Variants in BRPF3 observed in about 807,000 individuals in gnomAD.
The protein encoded by BRPF3 is bromodomain and PHD finger containing 3.
A neutral mutation model predicts 102.0 loss-of-function variants in BRPF3; 18 were observed. The observed-to-expected ratio is 0.18, with a 90% CI of 0.12 to 0.26. The LOEUF (loss-of-function observed/expected upper bound fraction) is 0.26, where lower values mean the gene tolerates loss of function less well. BRPF3 is among the 10% of genes least tolerant of loss of function. The pLI is 1.00. For missense variants in BRPF3, 1,147 were observed against 1,567.8 expected (o/e 0.73, Z 4.53); for synonymous variants, 570 against 614.2 (o/e 0.93, Z 1.06).
intron 2 of BRPF3, 78 bp from the exon 3 acceptor site, chr6:36,204,580 G>A: frequency 6.5e-7 from 1 of 1,533,654 alleles, no homozygotes; most frequent in East Asian, 2.2e-5. Flanking sequence ...AAATGAACCA[G>A]GTCTGGATAG....
Position 36,204,793 on chromosome 6 carries a change from G to C in BRPF3, c.1584G>C (p.Gln528His), listed in dbSNP as rs541317631. ...PLIRRLHSHL[Q>H]SQRNAEQREQ... ...TCCGGCGCTTGCACTCCCATCTGCA[G>C]TCCCAAAGAAACGCTGAGCAGGTAG... The change falls in exon 3 of 13, where the codon CAG becomes CAC. Residue 528 changes from glutamine to histidine, a missense_variant. Physicochemically the swap from Gln to His is conservative, Grantham distance 24. Coordinates refer to ENST00000357641, the MANE Select transcript of BRPF3 (RefSeq NM_015695.3). 1 of 1,614,186 alleles carries C rather than the reference G, an allele frequency of 6.2e-7. No homozygotes were observed. Among genetic ancestry groups the C allele is most frequent in the Non-Finnish European group, 8.5e-7 (1 of 1,180,000 alleles).
chr6:36,210,102 G>A lies in BRPF3; in HGVS notation c.1867-114G>A. 1 of 1,449,166 alleles carries A rather than the reference G, an allele frequency of 6.9e-7. No individual in the cohort carries two copies. Among genetic ancestry groups the A allele is most frequent in the Non-Finnish European group, 9.6e-7 (1 of 1,045,066 alleles). The allele number at this position is 1,449,166 out of a possible 1,614,324, so 89.8% of individuals were successfully genotyped here. A position where few individuals can be genotyped will look rare whatever the true frequency, so the allele number is the denominator to read the frequency against. On this transcript the variant is annotated intron_variant, in intron 5 of 12. Coordinates refer to ENST00000357641, the MANE Select transcript of BRPF3 (RefSeq NM_015695.3). The surrounding 1 kb of genome is among the most constrained non-coding windows in gnomAD (Gnocchi z 4.7). ...GGGTGGGCCAGGACTGTAGGTCTTT[G>A]AGTTAGCCTGGCATGGCCAAATCAG... is the stretch of plus-strand genomic sequence containing the variant.
intron 8 of BRPF3, among the ~76,000 whole-genome samples, chr6:36,217,596 G>T (rs976906943): frequency 3.3e-5 from 5 of 152,198 alleles, no homozygotes; most frequent in African/African-American, 1.2e-4. Context: ...GCCAGCCAGG[G>T]TAGGAGAAGT....
At chr6:36,212,594 A>AAG (rs1768164893) in intron 7 of BRPF3, among the ~76,000 whole-genome samples, 1 of 146,568 alleles carries the variant, frequency 6.8e-6, no homozygotes. Context: ...AAAAAAAAAA[A>AAG]GGTGTAGCCT....
chr6:36,225,775 A>C (rs1768720244), intron 11 of BRPF3, among the ~76,000 whole-genome samples: 2 of 152,236 alleles, frequency 1.3e-5, no homozygotes, highest in African/African-American at 4.8e-5. Flanking sequence ...TCATTCAGCT[A>C]ATAAATGACA....
In BRPF3 at chr6:36,232,644, A is replaced by G. The variant is rs1037939056; in HGVS notation, c.*2035A>G. 9.8e-5 allele frequency: 15 copies of G among 152,674 alleles called. No homozygotes were observed. Among genetic ancestry groups the G allele is most frequent in the African/African-American group, 3.6e-4 (15 of 41,468 alleles). 9.5% of individuals were successfully genotyped at this position (152,674 alleles called of 1,614,324 possible). ...GAGAGTGACTTTATTTGCTTTCTAG[A>G]ATTGTTTATAACAGATGGTATAAGA... On this transcript the variant is annotated 3_prime_UTR_variant, in exon 13 of 13. Transcript: ENST00000357641.
chr6:36,218,048 C>A, intron 9 of BRPF3, 38 bp downstream of exon 9: 1 of 1,553,848 alleles, frequency 6.4e-7, no homozygotes, highest in Non-Finnish European at 8.8e-7. Context: ...AGCAGCTCTG[C>A]TACCCCTCCT....
At chr6:36,207,239 C>T in intron 3 of BRPF3, 74 bp from the exon 4 acceptor site, 1 of 1,563,980 alleles carries the variant, frequency 6.4e-7, no homozygotes, top group Non-Finnish European at 8.7e-7. Context: ...CTGCTGCAGC[C>T]CCGTGAGGCT....
rs879588353 is a variant in BRPF3, at chr6:36,200,030, G to A, written c.-26-267G>A. Among the ~76,000 whole-genome samples, 2 of 152,226 alleles carry A rather than the reference G, an allele frequency of 1.3e-5. No homozygotes were observed. Among genetic ancestry groups the A allele is most frequent in the Non-Finnish European group, 2.9e-5 (2 of 68,032 alleles). On this transcript the variant is annotated intron_variant, in intron 1 of 12. Coordinates refer to ENST00000357641, the MANE Select transcript of BRPF3 (RefSeq NM_015695.3). The surrounding 1 kb of genome is among the most constrained non-coding windows in gnomAD (Gnocchi z 5.3). Reference sequence around the variant, plus strand: ...GATGAATGTTAAAGGGAAAAATAAAGCAGAATGAAAGGTAGATTGCTGGTG... The same window carrying A: ...GATGAATGTTAAAGGGAAAAATAAAACAGAATGAAAGGTAGATTGCTGGTG...
intron 4 of BRPF3, among the ~76,000 whole-genome samples, chr6:36,208,659 A>G (rs1181498426): frequency 6.6e-6 from 1 of 152,152 alleles, no homozygotes; most frequent in African/African-American, 2.4e-5. Flanking sequence ...CAAGGGTTCA[A>G]AATGTCTGTG....
At chr6:36,221,317 T>C (rs1349922489) in intron 9 of BRPF3, among the ~76,000 whole-genome samples, 1 of 149,272 alleles carries the variant, frequency 6.7e-6, no homozygotes, top group African/African-American at 2.5e-5. Context: ...AGATGGAGTC[T>C]TGCTCTGTCG....
At chr6:36,218,130 T>C (rs1373989863) in intron 9 of BRPF3, 120 bp downstream of exon 9, 7 of 796,618 alleles carry the variant, frequency 8.8e-6, no homozygotes, top group East Asian at 2.8e-5. Context: ...ACTCCTGCTA[T>C]TTCCTGAGGC....
chr6:36,196,836 G>C lies in BRPF3; in HGVS notation c.-161G>C, dbSNP rs1039490148. 3.3e-5 allele frequency: 5 copies of C among 151,986 alleles called. No individual in the cohort carries two copies. The highest frequency in any genetic ancestry group is 3.5e-4 in the South Asian group (2 of 5,668). The allele number at this position is 151,986 out of a possible 1,614,324, so 9.4% of individuals were successfully genotyped here. A position where few individuals can be genotyped will look rare whatever the true frequency, so the allele number is the denominator to read the frequency against. ...GCCGGGGCCCCAGCGCGGGCCGGGA[G>C]GGGGCACGGCGGAGGCCACGGAGGC... On this transcript the variant is annotated 5_prime_UTR_variant, in exon 1 of 13. Coordinates refer to ENST00000357641, the MANE Select transcript of BRPF3 (RefSeq NM_015695.3).
chr6:36,200,663 T>G lies in BRPF3; in HGVS notation c.341T>G (p.Leu114Arg), dbSNP rs1362012898. The G allele has an allele frequency of 6.2e-7, 1 of 1,613,956 alleles. No homozygotes were observed. Among genetic ancestry groups the G allele is most frequent in the South Asian group, 1.1e-5 (1 of 91,066 alleles). ...CATGCATCTGGTACTTCCTTCCACC[T>G]CCCACAGCCCAGCTTCCGTATGGTG... The part of the protein sequence containing the change: ...SKHASGTSFH[L>R]PQPSFRMVDS... Residue 114 changes from leucine to arginine, a missense_variant, in exon 2 of 13, where the codon CTC becomes CGC. Physicochemically the swap from Leu to Arg is moderately radical, Grantham distance 102. This residue lies in a region of BRPF3 where 221 missense variants were observed against 337.1 expected (regional missense o/e 0.66). Coordinates refer to ENST00000357641, the MANE Select transcript of BRPF3 (RefSeq NM_015695.3). The surrounding 1 kb of genome is among the most constrained non-coding windows in gnomAD (Gnocchi z 5.3).
Position 36,230,768 on chromosome 6 carries a change from A to T in BRPF3, c.*159A>T, listed in dbSNP as rs1768913328. The T allele has an allele frequency of 1.1e-6, 1 of 924,422 alleles. No individual in the cohort carries two copies. The highest frequency in any genetic ancestry group is 1.6e-6 in the Non-Finnish European group (1 of 627,280). 57.3% of individuals were successfully genotyped at this position (924,422 alleles called of 1,614,324 possible). On this transcript the variant is annotated 3_prime_UTR_variant, in exon 13 of 13. Coordinates refer to ENST00000357641, the MANE Select transcript of BRPF3 (RefSeq NM_015695.3). This position sits in a 1 kb window ranked among gnomAD's most constrained non-coding sequence, Gnocchi z 5.4. ...CACTAAGGGCAAGGCCCCAGTTTTG[A>T]CCAATCGCATGGTTCTCCTGGCAGG...
At position 36,201,453 on chromosome 6, in the gene BRPF3, G is replaced by A. The variant is rs1239650546; in HGVS notation, c.1131G>A (p.Val377=). The stretch of plus-strand genomic sequence containing the variant: ...GCCTCAATGGCACCATCTTTACAGT[G>A]CGCAAGACTGCCTACTGTGAGGCCC... ...ETSLNGTIFT[V]RKTAYCEAHS... The change falls in exon 2 of 13, where the codon GTG becomes GTA. Residue 377 remains valine, a synonymous_variant. Transcript: ENST00000357641. The surrounding 1 kb of genome is among the most constrained non-coding windows in gnomAD (Gnocchi z 5.1). 8 of 1,614,222 alleles carry A rather than the reference G, an allele frequency of 5.0e-6. No individual in the cohort carries two copies. In the South Asian group the frequency reaches 5.5e-5, roughly 11 times the overall value.
At chr6:36,204,949 C>T (rs1354483070) in intron 3 of BRPF3, 135 bp downstream of exon 3, 7 of 1,110,620 alleles carry the variant, frequency 6.3e-6, no homozygotes, top group Non-Finnish European at 8.9e-6. Context: ...GTGGCCTATC[C>T]CAGGAACAAC....
chr6:36,204,356 A>C, intron 2 of BRPF3: 10 of 376,652 alleles, frequency 2.7e-5, no homozygotes, highest in South Asian at 2.6e-4. Context: ...CTTGTTTTTC[A>C]GTCCGTACGT....
chr6:36,200,632 T>A lies in BRPF3; in HGVS notation c.310T>A (p.Ser104Thr), dbSNP rs1463923257. The change falls in exon 2 of 13, where the codon TCC becomes ACC. Residue 104 changes from serine (S) to threonine (T), a missense_variant. Transcript: ENST00000357641. The surrounding 1 kb of genome is among the most constrained non-coding windows in gnomAD (Gnocchi z 5.3). ...CAAGGGCAAAAAGAAGGAATCCTGCTCCAAGCATGCATCTGGTACTTCCTT... is the reference window on the plus strand; with the variant it reads ...CAAGGGCAAAAAGAAGGAATCCTGCACCAAGCATGCATCTGGTACTTCCTT... ...SSKGKKKESC[S>T]KHASGTSFHL... 1.2e-6 allele frequency: 2 copies of A among 1,614,188 alleles called. No homozygotes were observed. Among genetic ancestry groups the A allele is most frequent in the Admixed American group, 1.7e-5 (1 of 60,028 alleles).
Sources: gnomAD v4.1 joint callset for allele counts (sites outside exome capture counted in the v4.1 genomes callset) on GRCh38, gnomAD v4.1.1 for gene constraint, gnomAD v4.1.1 regional missense constraint, Gnocchi (gnomAD v3.1) non-coding constraint, MANE v1.5 for transcripts, NCBI Gene and HGNC (gene_info 2026-07-23, HGNC 2026-07-21) for gene names.